SPON1: variants seen among roughly 807,000 people sequenced by gnomAD.
The protein encoded by SPON1 is spondin-1.
Under a neutral mutation model 111.7 loss-of-function variants are expected in SPON1, and 52 were observed. The ratio of observed to expected loss-of-function variants is 0.47; its 90% CI spans 0.37 to 0.59. The LOEUF is 0.59. SPON1 is among the 20% of genes least tolerant of loss of function. The pLI is 0.00. For missense variants in SPON1, 957 were observed against 1,068.5 expected (o/e 0.90, Z 1.46); for synonymous variants, 410 against 395.8 (o/e 1.04, Z -0.43).
At chr11:14,175,462 G>C (rs73426108) in intron 6 of SPON1, among the ~76,000 whole-genome samples, 10,415 of 152,166 alleles carry the variant, frequency 0.068, 683 homozygotes, top group African/African-American at 0.17. Context: ...GAAAAGCAGG[G>C]TTATAGGGGT....
chr11:14,255,915 C>A, intron 9 of SPON1, 128 bp downstream of exon 9: 3 of 991,800 alleles, frequency 3.0e-6, no homozygotes, highest in Non-Finnish European at 2.9e-6. Context: ...AATTCCTGGG[C>A]CTCCCCAGGT....
chr11:14,251,608 A>G (rs1334953750), intron 7 of SPON1, among the ~76,000 whole-genome samples: 1 of 152,188 alleles, frequency 6.6e-6, no homozygotes, highest in Non-Finnish European at 1.5e-5. Flanking sequence ...CTGGCCCCAA[A>G]TCACCTACTT....
At chr11:14,128,101 T>C (rs1847481915) in intron 5 of SPON1, among the ~76,000 whole-genome samples, 1 of 152,200 alleles carries the variant, frequency 6.6e-6, no homozygotes, top group Admixed American at 6.5e-5. Flanking sequence ...ATTCTGTCTC[T>C]GGACCCTCCC....
chr11:14,089,880 C>T (rs782486786), intron 5 of SPON1, among the ~76,000 whole-genome samples: 10 of 152,162 alleles, frequency 6.6e-5, no homozygotes, highest in Non-Finnish European at 1.2e-4. Flanking sequence ...GGCAGTCTGG[C>T]CACAGCTGTT....
At chr11:13,985,607 GC>G (rs1554910209) in intron 2 of SPON1, among the ~76,000 whole-genome samples, 1 of 152,032 alleles carries the variant, frequency 6.6e-6, no homozygotes, top group East Asian at 1.9e-4. Flanking sequence ...AAAAATAAGG[GC>G]CCACTATGAC....
In SPON1 at chr11:14,237,674, G is replaced by A. The variant is rs542582597; in HGVS notation, c.826-5658G>A. Among the ~76,000 whole-genome samples, 8 of 152,350 alleles carry A rather than the reference G, an allele frequency of 5.3e-5. No individual in the cohort carries two copies. The East Asian group carries it at 1.5e-3, about 29-fold the overall frequency. On this transcript the variant is annotated intron_variant, in intron 6 of 15. Transcript: ENST00000576479. Reference sequence around the variant, plus strand: ...CGTATCACTGCATTTGCAATTAGTGGCACTGGGTTTTCCCCTGTTTAGTAG... The same window carrying A: ...CGTATCACTGCATTTGCAATTAGTGACACTGGGTTTTCCCCTGTTTAGTAG...
intron 5 of SPON1, among the ~76,000 whole-genome samples, chr11:14,095,984 G>A (rs1849097875): frequency 6.6e-6 from 1 of 152,202 alleles, no homozygotes; most frequent in South Asian, 2.1e-4. Flanking sequence ...TGCTATGATG[G>A]GACAGGAGAC....
chr11:14,051,038 CA>C (rs1364466483), intron 3 of SPON1, among the ~76,000 whole-genome samples: 10 of 152,172 alleles, frequency 6.6e-5, no homozygotes, highest in African/African-American at 2.4e-4. Context: ...GTCACTGCAA[CA>C]GTGGTTGGAG....
intron 6 of SPON1, among the ~76,000 whole-genome samples, chr11:14,162,535 C>A (rs895249686): frequency 2.0e-4 from 30 of 152,310 alleles, no homozygotes; most frequent in African/African-American, 6.3e-4. Context: ...ACTTGCAGAA[C>A]CATCTGAGTA....
intron 6 of SPON1, among the ~76,000 whole-genome samples, chr11:14,171,043 T>A (rs1848092823): frequency 6.6e-6 from 1 of 152,214 alleles, no homozygotes; most frequent in Admixed American, 6.5e-5. Context: ...CTTTTTCTAT[T>A]GATTGGAATA....
chr11:14,090,335 A>G (rs1564902807), intron 5 of SPON1, among the ~76,000 whole-genome samples: 1 of 152,074 alleles, frequency 6.6e-6, no homozygotes, highest in Non-Finnish European at 1.5e-5. Flanking sequence ...TGCAAAAACT[A>G]TGGGAAAAGC....
chr11:14,084,313 G>A (rs11023084), intron 5 of SPON1, among the ~76,000 whole-genome samples: 11,049 of 151,982 alleles, frequency 0.073, 531 homozygotes, highest in South Asian at 0.19. Context: ...TGCACTCCCC[G>A]ACAGGACCAG....
At chr11:14,179,539 G>A (rs531992126) in intron 6 of SPON1, among the ~76,000 whole-genome samples, 2 of 152,076 alleles carry the variant, frequency 1.3e-5, no homozygotes, top group Non-Finnish European at 2.9e-5. Context: ...GTGAGGGTGG[G>A]GGTTGAAAGA....
chr11:14,265,174 C>CA (rs1250024692), intron 15 of SPON1, among the ~76,000 whole-genome samples: 1 of 152,138 alleles, frequency 6.6e-6, no homozygotes, highest in Non-Finnish European at 1.5e-5. Context: ...ATGGTCTCTC[C>CA]AGTGGTCTAG....
intron 6 of SPON1, among the ~76,000 whole-genome samples, chr11:14,159,464 T>C (rs565146801): frequency 6.6e-6 from 1 of 152,100 alleles, no homozygotes; most frequent in Non-Finnish European, 1.5e-5. Flanking sequence ...CTATGGAGAA[T>C]AATAGTTTGG....
chr11:13,996,889 AC>A (rs1213219326), intron 2 of SPON1, among the ~76,000 whole-genome samples: 1 of 152,200 alleles, frequency 6.6e-6, no homozygotes, highest in East Asian at 1.9e-4. Flanking sequence ...ACTCCATCAT[AC>A]TGTTGAATTA....
chr11:13,982,985 C>A (rs1368409781), intron 2 of SPON1, 32 bp downstream of exon 2: 2 of 1,416,922 alleles, frequency 1.4e-6, no homozygotes, highest in Admixed American at 2.0e-5. Flanking sequence ...TTCAGTGGCC[C>A]TCCCTGCCCT....
intron 5 of SPON1, among the ~76,000 whole-genome samples, chr11:14,122,081 T>C (rs1288308279): frequency 2.0e-5 from 3 of 152,116 alleles, no homozygotes; most frequent in Non-Finnish European, 4.4e-5. Flanking sequence ...TTGTTTTTAT[T>C]CTGTTTGGGG....
chr11:14,146,522 C>CA (rs1232537201), intron 6 of SPON1, among the ~76,000 whole-genome samples: 4 of 151,826 alleles, frequency 2.6e-5, no homozygotes, highest in South Asian at 4.2e-4. Context: ...ATATTCCCCC[C>CA]AAAAAAAATA....
Sources: gnomAD v4.1 joint callset for allele counts (sites outside exome capture counted in the v4.1 genomes callset) on GRCh38, gnomAD v4.1.1 for gene constraint, MANE v1.5 for transcripts, NCBI Gene and HGNC (gene_info 2026-07-23, HGNC 2026-07-21) for gene names.